Variants in CDK8 observed in about 807,000 individuals in gnomAD.
CDK8 encodes cyclin dependent kinase 8.
A neutral mutation model predicts 71.5 loss-of-function variants in CDK8; 29 were observed. The observed-to-expected ratio is 0.41, with a 90% CI of 0.30 to 0.55. The LOEUF (loss-of-function observed/expected upper bound fraction) is 0.55, where lower values mean the gene tolerates loss of function less well. Ranked by LOEUF, CDK8 falls within the 20% of genes least tolerant of loss-of-function variation. The pLI is 0.37. For synonymous variants in CDK8, 161 were observed against 192.1 expected, an observed-to-expected ratio of 0.84 and a Z score of 1.34; for missense variants, 288 against 572.6, an observed-to-expected ratio of 0.50 and a Z score of 5.07.
intron 1 of CDK8, among the ~76,000 whole-genome samples, chr13:26,313,481 G>A (rs1173319301): frequency 2.0e-5 from 3 of 152,126 alleles, no homozygotes; most frequent in Non-Finnish European, 4.4e-5. Context: ...GACGTGTTTG[G>A]GTTTTAGACA....
intron 1 of CDK8, among the ~76,000 whole-genome samples, chr13:26,314,827 A>G (rs1251050329): frequency 6.6e-6 from 1 of 152,214 alleles, no homozygotes; most frequent in East Asian, 1.9e-4. Context: ...GTGCTTAATT[A>G]CAAATATTGT....
intron 1 of CDK8, among the ~76,000 whole-genome samples, chr13:26,274,254 A>T (rs1385712640): frequency 2.0e-5 from 3 of 152,124 alleles, no homozygotes; most frequent in Admixed American, 6.5e-5. Flanking sequence ...CTCCTCCTTG[A>T]TCAATAGTTT....
chr13:26,310,320 C>G (rs954159640), intron 1 of CDK8, among the ~76,000 whole-genome samples: 2 of 152,274 alleles, frequency 1.3e-5, no homozygotes, highest in Non-Finnish European at 2.9e-5. Flanking sequence ...CTTGTTCCCT[C>G]TATGTCTGTG....
At chr13:26,369,082 C>T (rs752751757) in intron 4 of CDK8, among the ~76,000 whole-genome samples, 9 of 151,994 alleles carry the variant, frequency 5.9e-5, no homozygotes, top group Non-Finnish European at 1.0e-4. Flanking sequence ...CCTCAGAAGA[C>T]GCTTTTAGTC....
At chr13:26,261,758 C>T (rs888961923) in intron 1 of CDK8, among the ~76,000 whole-genome samples, 8 of 152,078 alleles carry the variant, frequency 5.3e-5, no homozygotes, top group African/African-American at 1.2e-4. Context: ...AATAATGCTT[C>T]GATAAGCAAT....
rs17083996 is a variant in CDK8, at chr13:26,393,425, C to T, written c.705C>T (p.His235=). Reference sequence around the variant, plus strand: ...TACTAACGTCAGAACCAATATTTCACTGTCGACAAGAGGACATCAAAACTA... The same window carrying T: ...TACTAACGTCAGAACCAATATTTCATTGTCGACAAGAGGACATCAAAACTA... The part of the protein sequence containing the change: ...AELLTSEPIF[H]CRQEDIKTSN... The change falls in exon 7 of 13, where the codon CAC becomes CAT. Residue 235 remains histidine (H), a synonymous_variant. Transcript: ENST00000381527. 9.1e-4 allele frequency: 1,462 copies of T among 1,611,970 alleles called. 6 individuals are homozygous for T. The African/African-American group carries it at 0.013, about 15-fold the overall frequency.
chr13:26,324,851 T>C (rs1874949907), intron 1 of CDK8: 4 of 665,712 alleles, frequency 6.0e-6, no homozygotes, highest in Non-Finnish European at 7.4e-6. Flanking sequence ...ACCTCCACAT[T>C]CTAGTTCTGA....
intron 1 of CDK8, among the ~76,000 whole-genome samples, chr13:26,257,367 A>G (rs1871568905): frequency 6.6e-6 from 1 of 152,242 alleles, no homozygotes; most frequent in Non-Finnish European, 1.5e-5. Context: ...TGCTTAAATT[A>G]TTAAGTTTTA....
In CDK8 at chr13:26,294,787, G is replaced by A. The variant is rs569922154; in HGVS notation, c.128+40018G>A. Among the ~76,000 whole-genome samples the A allele has an allele frequency of 1.7e-4, 26 of 152,070 alleles. No homozygotes were observed. The South Asian group carries it at 5.4e-3, about 32-fold the overall frequency. The stretch of plus-strand genomic sequence containing the variant: ...TGTTTTTTGAGAGGAGTCTTGCTCC[G>A]TCGCCAGGCTGGAGTGCTGTGGTAT... On this transcript the variant is annotated intron_variant, in intron 1 of 12. Coordinates refer to ENST00000381527, the MANE Select transcript of CDK8 (RefSeq NM_001260.3).
chr13:26,340,458 A>T (rs768828734), intron 2 of CDK8, among the ~76,000 whole-genome samples: 13 of 152,100 alleles, frequency 8.5e-5, no homozygotes, highest in Non-Finnish European at 1.8e-4. Flanking sequence ...TAGTATAAAT[A>T]AATTAAGTTT....
rs765189487 is a variant in CDK8 at position 26,405,003 on chromosome 13, G to T, written c.*922G>T. On this transcript the variant is annotated 3_prime_UTR_variant, in exon 13 of 13. Transcript: ENST00000381527. ...GTTGGTGTAGTGCTATTAAAATTTC[G>T]TTCAGTTAATTTTCCTTTTGAAAAC... 68 of 191,992 alleles carry T rather than the reference G, an allele frequency of 3.5e-4. No individual in the cohort carries two copies. Among genetic ancestry groups the T allele is most frequent in the Non-Finnish European group, 6.4e-4 (59 of 91,826 alleles). The allele number at this position is 191,992 out of a possible 1,614,324, so 11.9% of individuals were successfully genotyped here.
At chr13:26,264,550 A>G (rs56051380) in intron 1 of CDK8, among the ~76,000 whole-genome samples, 8,824 of 152,252 alleles carry the variant, frequency 0.058, 861 homozygotes, top group African/African-American at 0.2. Context: ...GGGGCACACG[A>G]GAAATTTTCT....
intron 2 of CDK8, among the ~76,000 whole-genome samples, chr13:26,341,520 AT>A (rs1336855987): frequency 5.3e-5 from 8 of 152,074 alleles, no homozygotes; most frequent in African/African-American, 1.7e-4. Context: ...TGTTTTCCTT[AT>A]TTTTTTACAG....
rs150661108 is a variant in CDK8 at position 26,404,431 on chromosome 13, GT to G, written c.*351del. Reference sequence around the variant, plus strand: ...GGGCAAGCATTTGTCTTTGTATGTGGTGAATTTTTTCAGTGTAACAACATTA... The same window carrying G: ...GGGCAAGCATTTGTCTTTGTATGTGGGAATTTTTTCAGTGTAACAACATTA... On this transcript the variant is annotated 3_prime_UTR_variant, in exon 13 of 13. Transcript: ENST00000381527. The G allele has an allele frequency of 8.2e-3, 2,220 of 269,096 alleles. 23 individuals are homozygous for G. Among genetic ancestry groups the G allele is most frequent in the South Asian group, 0.028 (252 of 8,954 alleles). 16.7% of individuals were successfully genotyped at this position (269,096 alleles called of 1,614,324 possible).
At chr13:26,283,285 T>C (rs1872843416) in intron 1 of CDK8, among the ~76,000 whole-genome samples, 2 of 152,210 alleles carry the variant, frequency 1.3e-5, no homozygotes, top group Non-Finnish European at 2.9e-5. Flanking sequence ...AGATAGACCA[T>C]ATGATAGGTC....
rs148774338 is a variant in CDK8, at chr13:26,346,722, A to G, written c.205-2350A>G. 4.6e-5 allele frequency among the ~76,000 whole-genome samples: 7 copies of G among 152,356 alleles called. 1 individual carries two copies. The East Asian group carries it at 1.2e-3, about 25-fold the overall frequency. On this transcript the variant is annotated intron_variant, in intron 2 of 12. Coordinates refer to ENST00000381527, the MANE Select transcript of CDK8 (RefSeq NM_001260.3). ...ATTGGTATATAATTGCTAAAGTCTT[A>G]TAAGTTTGAAAATTATATTCTAAAA...
chr13:26,398,484 T>C (rs1876096549), intron 9 of CDK8, among the ~76,000 whole-genome samples: 1 of 152,124 alleles, frequency 6.6e-6, no homozygotes, highest in Non-Finnish European at 1.5e-5. Flanking sequence ...GGGTGACCCA[T>C]CTTAATTGGA....
At chr13:26,364,466 T>G (rs1442960171) in intron 4 of CDK8, among the ~76,000 whole-genome samples, 1 of 152,176 alleles carries the variant, frequency 6.6e-6, no homozygotes, top group African/African-American at 2.4e-5. Flanking sequence ...AAACTTAATG[T>G]TTTTTGCAAG....
chr13:26,264,991 A>C (rs1299928547), intron 1 of CDK8, among the ~76,000 whole-genome samples: 1 of 152,188 alleles, frequency 6.6e-6, no homozygotes, highest in Admixed American at 6.5e-5. Flanking sequence ...ATGGACACTT[A>C]GATTGATGCC....
Sources: gnomAD v4.1 joint callset for allele counts (sites outside exome capture counted in the v4.1 genomes callset) on GRCh38, gnomAD v4.1.1 for gene constraint, MANE v1.5 for transcripts, NCBI Gene and HGNC (gene_info 2026-07-23, HGNC 2026-07-21) for gene names.